The following OTX1 variants were observed in gnomAD, a reference collection of about 807,000 sequenced individuals.
OTX1 encodes orthodenticle homeobox 1, also known as homeobox protein OTX1.
OTX1 carries 7 observed loss-of-function variants against 26.7 expected under a neutral mutation model. That is an observed-to-expected ratio of 0.26 (90% confidence interval 0.15 to 0.49). The LOEUF (loss-of-function observed/expected upper bound fraction) is 0.49, where lower values mean the gene tolerates loss of function less well. Among genes scored for constraint, OTX1 ranks in the 20% least tolerant of loss-of-function variants. The pLI is 0.98. For missense variants in OTX1, 414 were observed against 483.8 expected (o/e 0.86, Z 1.35); for synonymous variants, 216 against 212.8 (o/e 1.01, Z -0.13).
chr2:63,053,961 T>TGGGCCTGCCAG, intron 3 of OTX1, 86 bp from the exon 4 acceptor site: 1 of 1,468,080 alleles, frequency 6.8e-7, no homozygotes, highest in Non-Finnish European at 9.1e-7. Flanking sequence ...GGCCGAGATC[T>TGGGCCTGCCAG]GGGCCTGCCA....
At chr2:63,054,229 T>G (rs772136344) in intron 4 of OTX1, 31 bp downstream of exon 4, 2 of 1,546,918 alleles carry the variant, frequency 1.3e-6, no homozygotes, top group East Asian at 4.6e-5. Flanking sequence ...AGGGTCTGGG[T>G]AGGGGAGCTG....
intron 3 of OTX1, chr2:63,053,785 T>G: frequency 2.1e-6 from 1 of 471,646 alleles, no homozygotes; most frequent in Non-Finnish European, 3.8e-6. Flanking sequence ...GATTGTAGAC[T>G]TCTCTTAACT....
Position 63,054,103 on chromosome 2 carries a change from G to C in OTX1, c.154G>C (p.Val52Leu). The C allele has an allele frequency of 6.2e-7, 1 of 1,612,240 alleles. No homozygotes were observed. The highest frequency in any genetic ancestry group is 8.5e-7 in the Non-Finnish European group (1 of 1,179,326). Residue 52 changes from valine to leucine, a missense_variant, in exon 4 of 5, where the codon GTG becomes CTG. By Grantham distance (32) the Val-to-Leu change is conservative. Coordinates refer to ENST00000282549, the MANE Select transcript of OTX1 (RefSeq NM_014562.4). The part of the protein sequence containing the change: ...RTTFTRSQLD[V>L]LEALFAKTRY... ...CACCTTCACGCGTTCACAGCTGGAC[G>C]TGCTCGAGGCGCTCTTCGCCAAGAC... is the stretch of plus-strand genomic sequence containing the variant.
rs2153388525 is a variant in OTX1, at chr2:63,057,290, T to G, written c.*974T>G. 6.6e-6 allele frequency: 1 copy of G among 152,284 alleles called. No homozygotes were observed. Among genetic ancestry groups the G allele is most frequent in the Middle Eastern group, 3.4e-3 (1 of 294 alleles). The allele number at this position is 152,284 out of a possible 1,614,324, so 9.4% of individuals were successfully genotyped here. On this transcript the variant is annotated 3_prime_UTR_variant, in exon 5 of 5. Coordinates refer to ENST00000282549, the MANE Select transcript of OTX1 (RefSeq NM_014562.4). ...CCCTGCCCTCTTCACATCTTCTCCC[T>G]CTGTGTATTTATTGAAGAGAACCGC...
intron 2 of OTX1, 65 bp from the exon 3 acceptor site, chr2:63,052,815 C>T (rs975316257): frequency 3.6e-6 from 2 of 560,294 alleles, no homozygotes; most frequent in East Asian, 3.3e-5. Flanking sequence ...CTGTCTATCC[C>T]GGGGCAAGAC....
At chr2:63,054,007 G>A (rs774620329) in intron 3 of OTX1, 40 bp from the exon 4 acceptor site, 17 of 1,600,078 alleles carry the variant, frequency 1.1e-5, no homozygotes, top group Admixed American at 1.7e-5. Context: ...GGGTCCACGT[G>A]GCCACCAATG....
Position 63,056,152 on chromosome 2 carries a change from C to A in OTX1, c.901C>A (p.His301Asn). 6.2e-7 allele frequency: 1 copy of A among 1,614,084 alleles called. No individual in the cohort carries two copies. The highest frequency in any genetic ancestry group is 8.5e-7 in the Non-Finnish European group (1 of 1,180,018). The change falls in exon 5 of 5, where the codon CAC becomes AAC. Residue 301 changes from histidine to asparagine, a missense_variant. Physicochemically the swap from His to Asn is moderately conservative, Grantham distance 68 (BLOSUM62 1). This residue lies in a region of OTX1 where 320 missense variants were observed against 347.9 expected (regional missense o/e 0.92). Coordinates refer to ENST00000282549, the MANE Select transcript of OTX1 (RefSeq NM_014562.4). The part of the protein sequence containing the change: ...GHHHHHHHHH[H>N]QGYGGSGLAF... The stretch of plus-strand genomic sequence containing the variant: ...CCACCACCACCATCACCACCACCAC[C>A]ACCAAGGCTACGGTGGCTCTGGGCT...
upstream of OTX1, among the ~76,000 whole-genome samples, chr2:63,049,810 G>A (rs923687297): frequency 1.3e-5 from 2 of 152,244 alleles, no homozygotes; most frequent in African/African-American, 4.8e-5. This position sits in a 1 kb window ranked among gnomAD's most constrained non-coding sequence, Gnocchi z 4.8. Flanking sequence ...CACCCAGGTA[G>A]ACGTGTTTGG....
rs760117662 is a variant in OTX1, at chr2:63,055,710, G to A, written c.459G>A (p.Ala153=). ...SSSSANPAAA[A]AAGLGGNPVA... The stretch of plus-strand genomic sequence containing the variant: ...CTTCCGCCAACCCAGCGGCTGCAGC[G>A]GCTGCGGGACTAGGTGGGAACCCGG... Residue 153 remains alanine, a synonymous_variant, in exon 5 of 5, where the codon GCG becomes GCA. Coordinates refer to ENST00000282549, the MANE Select transcript of OTX1 (RefSeq NM_014562.4). The surrounding 1 kb of genome is among the most constrained non-coding windows in gnomAD (Gnocchi z 5.2). The A allele has an allele frequency of 2.5e-6, 4 of 1,613,362 alleles. No individual in the cohort carries two copies. In the South Asian group the frequency reaches 3.3e-5, roughly 13 times the overall value.
At chr2:63,050,652 C>T (rs1476853827), upstream of OTX1, 1 of 27,162 alleles carries the variant, frequency 3.7e-5, no homozygotes, top group Non-Finnish European at 8.8e-5. Context: ...GGCGGGAGGG[C>T]GGGGAGGGCG....
chr2:63,056,182 T>C lies in OTX1; in HGVS notation c.931T>C (p.Phe311Leu). ...HQGYGGSGLA[F>L]NSADCLDYKE... ...AGGCTACGGTGGCTCTGGGCTTGCC[T>C]TCAACTCTGCCGACTGCTTGGATTA... The change falls in exon 5 of 5, where the codon TTC becomes CTC. Residue 311 changes from phenylalanine to leucine, a missense_variant. By Grantham distance (22) the Phe-to-Leu change is conservative. Around this residue, in one of 3 missense-constraint regions of OTX1, gnomAD observed 320 missense variants for 347.9 expected, o/e 0.92. Coordinates refer to ENST00000282549, the MANE Select transcript of OTX1 (RefSeq NM_014562.4). 1.2e-6 allele frequency: 2 copies of C among 1,614,012 alleles called. No homozygotes were observed. The highest frequency in any genetic ancestry group is 1.7e-6 in the Non-Finnish European group (2 of 1,179,998).
chr2:63,054,291 C>G (rs909396335), intron 4 of OTX1, 93 bp downstream of exon 4: 1 of 1,273,682 alleles, frequency 7.9e-7, no homozygotes, highest in African/African-American at 1.5e-5. Context: ...TTGAGGAGAC[C>G]ATCCTGTGGG....
intron 3 of OTX1, chr2:63,053,299 T>G: frequency 4.5e-6 from 2 of 441,534 alleles, no homozygotes; most frequent in Non-Finnish European, 7.9e-6. Flanking sequence ...AAACGCGCAA[T>G]ATGCGCCTTC....
At position 63,057,120 on chromosome 2, in the gene OTX1, A is replaced by G. The variant is rs1306804895; in HGVS notation, c.*804A>G. 2 of 151,734 alleles carry G rather than the reference A, an allele frequency of 1.3e-5. No individual in the cohort carries two copies. The highest frequency in any genetic ancestry group is 1.9e-4 in the East Asian group (1 of 5,188). 9.4% of individuals were successfully genotyped at this position (151,734 alleles called of 1,614,324 possible). ...AGCACCCAGGAAACAGAACTTTAAGATATATACAGCACATATATATATATA... is the reference window on the plus strand; with the variant it reads ...AGCACCCAGGAAACAGAACTTTAAGGTATATACAGCACATATATATATATA... On this transcript the variant is annotated 3_prime_UTR_variant, in exon 5 of 5. Transcript: ENST00000282549.
upstream of OTX1, among the ~76,000 whole-genome samples, chr2:63,050,423 C>CG (rs1325936506): frequency 2.0e-5 from 3 of 152,142 alleles, no homozygotes; most frequent in African/African-American, 7.2e-5. Context: ...CCCTGTAGCG[C>CG]GCGGGAGAGC....
Position 63,056,100 on chromosome 2 carries a change from C to T in OTX1, c.849C>T (p.His283=), listed in dbSNP as rs1255656870. ...ACCATCATCACCACCCACATGCGCACCACCCGTTGAGCCAGTCCTCAGGCC... is the reference window on the plus strand; with the variant it reads ...ACCATCATCACCACCCACATGCGCATCACCCGTTGAGCCAGTCCTCAGGCC... ...AGHHHHHPHA[H]HPLSQSSGHH... The change falls in exon 5 of 5, where the codon CAC becomes CAT. Residue 283 remains histidine (H), a synonymous_variant. Transcript: ENST00000282549. The T allele has an allele frequency of 1.2e-6, 2 of 1,614,056 alleles. No homozygotes were observed. The highest frequency in any genetic ancestry group is 1.7e-6 in the Non-Finnish European group (2 of 1,180,018).
chr2:63,057,694 C>G lies in OTX1; in HGVS notation c.*1378C>G, dbSNP rs970127683. On this transcript the variant is annotated 3_prime_UTR_variant, in exon 5 of 5. Coordinates refer to ENST00000282549, the MANE Select transcript of OTX1 (RefSeq NM_014562.4). ...GTATCAATTTTGGCTTTGGCCGCTTCGTCCAGTAGGTGGGAAAGTAATTTG... is the reference window on the plus strand; with the variant it reads ...GTATCAATTTTGGCTTTGGCCGCTTGGTCCAGTAGGTGGGAAAGTAATTTG... 2.6e-5 allele frequency: 4 copies of G among 152,196 alleles called. No homozygotes were observed. Among genetic ancestry groups the G allele is most frequent in the African/African-American group, 9.7e-5 (4 of 41,436 alleles). The allele number at this position is 152,196 out of a possible 1,614,324, so 9.4% of individuals were successfully genotyped here. A position where few individuals can be genotyped will look rare whatever the true frequency, so the allele number is the denominator to read the frequency against.
intron 3 of OTX1, chr2:63,053,317 G>C (rs373192489): frequency 1.0e-4 from 46 of 441,698 alleles, no homozygotes; most frequent in Admixed American, 4.3e-4. Flanking sequence ...TTCCCGGCCG[G>C]ATCACCGGCA....
chr2:63,054,314 G>C, intron 4 of OTX1, 116 bp downstream of exon 4: 1 of 1,067,614 alleles, frequency 9.4e-7, no homozygotes, highest in Non-Finnish European at 1.3e-6. Context: ...TGGGCTTACA[G>C]ACTGGGCAGC....
Sources: allele counts gnomAD v4.1 joint callset (sites outside exome capture counted in the v4.1 genomes callset), GRCh38; gene constraint gnomAD v4.1.1; regional missense constraint gnomAD v4.1.1; non-coding constraint Gnocchi (gnomAD v3.1); transcripts MANE v1.5; gene names NCBI Gene and HGNC (gene_info 2026-07-23, HGNC 2026-07-21).